Variants in EPHB1 observed in about 807,000 individuals in gnomAD.
EPHB1 encodes the protein EPH receptor B1.
In EPHB1, 30 loss-of-function variants were observed where a neutral mutation model predicts 94.4. That is an observed-to-expected ratio of 0.32 (90% CI 0.24 to 0.43). EPHB1 has a LOEUF of 0.43. Ranked by LOEUF, EPHB1 falls within the 20% of genes least tolerant of loss-of-function variation. The pLI is 1.00. For synonymous variants in EPHB1, 522 were observed against 489.1 expected (o/e 1.07, Z -0.89); for missense variants, 1,055 against 1,308.3 (o/e 0.81, Z 2.99).
chr3:135,124,826 T>C (rs978539013), intron 4 of EPHB1, among the ~76,000 whole-genome samples: 1 of 151,506 alleles, frequency 6.6e-6, no homozygotes, highest in African/African-American at 2.4e-5. Flanking sequence ...TTTAATGCCC[T>C]CTCCTCCTTG....
intron 3 of EPHB1, among the ~76,000 whole-genome samples, chr3:135,018,484 T>C (rs1480923546): frequency 6.6e-6 from 1 of 152,116 alleles, no homozygotes; most frequent in African/African-American, 2.4e-5. Context: ...TTCCTCCCTT[T>C]CTCAGCCCAC....
At chr3:135,078,161 C>T (rs929039253) in intron 3 of EPHB1, among the ~76,000 whole-genome samples, 8 of 152,178 alleles carry the variant, frequency 5.3e-5, no homozygotes, top group Non-Finnish European at 1.2e-4. Context: ...GGGTAAGAGG[C>T]CAGGCTCTTA....
At chr3:135,245,752 T>A in intron 13 of EPHB1, among the ~76,000 whole-genome samples, 1 of 140,768 alleles carries the variant, frequency 7.1e-6, no homozygotes, top group Non-Finnish European at 1.5e-5. Flanking sequence ...GTTGCAGTGA[T>A]CTGAGATTGT....
intron 10 of EPHB1, among the ~76,000 whole-genome samples, chr3:135,180,619 C>G (rs1393221913): frequency 6.6e-6 from 1 of 152,124 alleles, no homozygotes; most frequent in Non-Finnish European, 1.5e-5. Context: ...GAAACCCAGC[C>G]CAGTGTAAAA....
chr3:135,210,327 A>T (rs796145983), intron 12 of EPHB1, among the ~76,000 whole-genome samples: 19 of 152,298 alleles, frequency 1.2e-4, no homozygotes, highest in African/African-American at 4.6e-4. Context: ...TGTCTATAGG[A>T]TATCACAGTA....
intron 9 of EPHB1, among the ~76,000 whole-genome samples, chr3:135,171,318 G>C (rs1342473570): frequency 6.6e-6 from 1 of 152,228 alleles, no homozygotes; most frequent in Non-Finnish European, 1.5e-5. Flanking sequence ...TACTGAGCTT[G>C]TCTTCCTACC....
intron 1 of EPHB1, among the ~76,000 whole-genome samples, chr3:134,906,901 G>A (rs1179681418): frequency 1.3e-5 from 2 of 152,234 alleles, no homozygotes; most frequent in South Asian, 2.1e-4. Context: ...TTCAGTTTGT[G>A]TAATGAGATC....
intron 3 of EPHB1, among the ~76,000 whole-genome samples, chr3:134,957,581 A>G (rs1359314102): frequency 1.3e-5 from 2 of 152,236 alleles, no homozygotes; most frequent in Non-Finnish European, 2.9e-5. Flanking sequence ...CAGAGTATCA[A>G]CATGATGGCA....
chr3:134,912,255 C>T (rs894170694), intron 1 of EPHB1, among the ~76,000 whole-genome samples: 2 of 152,230 alleles, frequency 1.3e-5, no homozygotes, highest in African/African-American at 4.8e-5. Context: ...ATGGTTCTTA[C>T]TCATGTGCCA....
intron 1 of EPHB1, among the ~76,000 whole-genome samples, chr3:134,824,125 C>CTTTTTTTTTTTTTTTTT (rs373504139): frequency 9.9e-6 from 1 of 100,756 alleles, no homozygotes. Context: ...GGATAATGCC[C>CTTTTTTTTTTTTTTTTT]TTTTTTTTTT....
chr3:135,011,501 G>C (rs1342921165), intron 3 of EPHB1, among the ~76,000 whole-genome samples: 1 of 152,206 alleles, frequency 6.6e-6, no homozygotes, highest in Non-Finnish European at 1.5e-5. Flanking sequence ...TGAAGCGCGT[G>C]TCGTGGGATG....
Position 135,149,034 on chromosome 3 carries a change from A to C in EPHB1, c.1298-5118A>C, listed in dbSNP as rs1171550013. ...TTGGGTGCCTGTACTCTGTTGGGTC[A>C]GCCTCTTCATTTGCTAAGAAAGGGT... On this transcript the variant is annotated intron_variant, in intron 5 of 15. Transcript: ENST00000398015. Among the ~76,000 whole-genome samples, 3 of 152,128 alleles carry C rather than the reference A, an allele frequency of 2.0e-5. 1 individual carries two copies. Among genetic ancestry groups the C allele is most frequent in the South Asian group, 4.2e-4 (2 of 4,814 alleles).
intron 5 of EPHB1, among the ~76,000 whole-genome samples, chr3:135,142,899 G>A (rs544568881): frequency 6.6e-6 from 1 of 152,304 alleles, no homozygotes; most frequent in Non-Finnish European, 1.5e-5. Context: ...GAGAGTGGTG[G>A]TCTAGCCAAA....
chr3:134,931,971 A>G (rs145881862), intron 2 of EPHB1, among the ~76,000 whole-genome samples: 1 of 151,928 alleles, frequency 6.6e-6, no homozygotes, highest in East Asian at 1.9e-4. Context: ...ATGAATGTAT[A>G]TATGTATGTG....
At chr3:135,088,956 A>G (rs1371738213) in intron 3 of EPHB1, among the ~76,000 whole-genome samples, 1 of 152,212 alleles carries the variant, frequency 6.6e-6, no homozygotes, top group Non-Finnish European at 1.5e-5. Context: ...TATATTTTCT[A>G]TCTCATTCAA....
chr3:134,818,297 G>T lies in EPHB1; in HGVS notation c.58+22608G>T, dbSNP rs553394404. ...GGAACCCTGTTTAAGAGGCTGACAG[G>T]CAGGCAGCCTCCTTGGCTTAGGATG... is the stretch of plus-strand genomic sequence containing the variant. On this transcript the variant is annotated intron_variant, in intron 1 of 15. Coordinates refer to ENST00000398015, the MANE Select transcript of EPHB1 (RefSeq NM_004441.5). 1.6e-4 allele frequency among the ~76,000 whole-genome samples: 24 copies of T among 152,290 alleles called. No homozygotes were observed. The South Asian group carries it at 4.8e-3, about 30-fold the overall frequency.
At chr3:134,805,968 A>C (rs2108284082) in intron 1 of EPHB1, among the ~76,000 whole-genome samples, 1 of 152,182 alleles carries the variant, frequency 6.6e-6, no homozygotes, top group Middle Eastern at 3.4e-3. Context: ...CATGGGTTCT[A>C]TCCTGATTGT....
intron 1 of EPHB1, among the ~76,000 whole-genome samples, chr3:134,801,447 T>C (rs2035933512): frequency 2.0e-5 from 3 of 152,190 alleles, no homozygotes; most frequent in African/African-American, 7.2e-5. Flanking sequence ...CCCTTACCTG[T>C]CCTCCATTGA....
chr3:134,952,369 T>TCACA (rs748094985), intron 3 of EPHB1, among the ~76,000 whole-genome samples: 316 of 121,312 alleles, frequency 2.6e-3, no homozygotes, highest in African/African-American at 0.011. Flanking sequence ...TCTCTCTCTC[T>TCACA]CTCACACACA....
Sources: gnomAD v4.1 joint callset for allele counts (sites outside exome capture counted in the v4.1 genomes callset) on GRCh38, gnomAD v4.1.1 for gene constraint, MANE v1.5 for transcripts, NCBI Gene and HGNC (gene_info 2026-07-23, HGNC 2026-07-21) for gene names.